Variants in TMEM132B observed in about 807,000 individuals in gnomAD.
TMEM132B encodes the protein transmembrane protein 132B.
In TMEM132B, 18 loss-of-function variants were observed where a neutral mutation model predicts 90.8. That is an observed-to-expected ratio of 0.20 (90% CI 0.14 to 0.29). TMEM132B has a LOEUF of 0.29. TMEM132B is among the 10% of genes least tolerant of loss of function. TMEM132B has a pLI of 1.00. For missense variants in TMEM132B, 1,096 were observed against 1,326.8 expected (o/e 0.83, Z 2.70); for synonymous variants, 504 against 523.3 (o/e 0.96, Z 0.50).
At chr12:125,187,634 C>T (rs139208672) in intron 1 of TMEM132B, among the ~76,000 whole-genome samples, 5 of 152,344 alleles carry the variant, frequency 3.3e-5, no homozygotes, top group African/African-American at 4.8e-5. Context: ...TCAGCTGTCG[C>T]CCAATCCTAG....
intron 5 of TMEM132B, among the ~76,000 whole-genome samples, chr12:125,621,051 T>C (rs1221562824): frequency 6.6e-6 from 1 of 152,204 alleles, no homozygotes; most frequent in East Asian, 1.9e-4. Flanking sequence ...TCACCATTAA[T>C]AAATAAATTC....
At chr12:125,232,018 A>G (rs1215726064) in intron 1 of TMEM132B, among the ~76,000 whole-genome samples, 1 of 152,188 alleles carries the variant, frequency 6.6e-6, no homozygotes, top group Non-Finnish European at 1.5e-5. Context: ...AAGGCACAGT[A>G]TACATACTTT....
At chr12:125,496,377 G>A (rs1292944045) in intron 3 of TMEM132B, among the ~76,000 whole-genome samples, 1 of 152,090 alleles carries the variant, frequency 6.6e-6, no homozygotes, top group Non-Finnish European at 1.5e-5. Flanking sequence ...CTATACATCA[G>A]TTGAAATATG....
At chr12:125,608,676 T>C (rs951957553) in intron 5 of TMEM132B, among the ~76,000 whole-genome samples, 1 of 152,240 alleles carries the variant, frequency 6.6e-6, no homozygotes, top group Non-Finnish European at 1.5e-5. Flanking sequence ...TTCCACATTT[T>C]CTTCTAATAT....
At chr12:125,255,516 A>G (rs954745729) in intron 1 of TMEM132B, among the ~76,000 whole-genome samples, 1 of 152,168 alleles carries the variant, frequency 6.6e-6, no homozygotes, top group Non-Finnish European at 1.5e-5. Context: ...CTGCATACAG[A>G]TGCCTTTTCG....
chr12:125,264,445 G>A (rs1874639617), intron 1 of TMEM132B, among the ~76,000 whole-genome samples: 1 of 152,240 alleles, frequency 6.6e-6, no homozygotes, highest in Non-Finnish European at 1.5e-5. Context: ...AAAAGGTAGG[G>A]TGTTCTGGAT....
intron 1 of TMEM132B, among the ~76,000 whole-genome samples, chr12:125,280,750 G>A (rs11058123): frequency 0.14 from 21,915 of 152,250 alleles, 1,910 homozygotes; most frequent in African/African-American, 0.23. Flanking sequence ...AGGGCAGATA[G>A]TACAACTCTT....
At chr12:125,507,563 T>C (rs1200448274) in intron 3 of TMEM132B, among the ~76,000 whole-genome samples, 2 of 151,796 alleles carry the variant, frequency 1.3e-5, no homozygotes, top group African/African-American at 2.4e-5. Context: ...ATAGCTGTCA[T>C]AGGGAGGAGT....
At chr12:125,608,097 C>G (rs182892343) in intron 5 of TMEM132B, among the ~76,000 whole-genome samples, 1 of 152,054 alleles carries the variant, frequency 6.6e-6, no homozygotes. Flanking sequence ...TTCTTTTGAG[C>G]GTATACTTAG....
chr12:125,417,923 G>A (rs1368505839), intron 3 of TMEM132B, among the ~76,000 whole-genome samples: 1 of 152,190 alleles, frequency 6.6e-6, no homozygotes. Context: ...TTTGACCAGC[G>A]CTAATGGAAG....
intron 1 of TMEM132B, among the ~76,000 whole-genome samples, chr12:125,225,899 G>C (rs1873671686): frequency 6.6e-6 from 1 of 152,142 alleles, no homozygotes; most frequent in Non-Finnish European, 1.5e-5. Context: ...TGTGGGCCCA[G>C]GACAAACAGT....
chr12:125,341,991 G>T (rs1877195310), intron 1 of TMEM132B, among the ~76,000 whole-genome samples: 1 of 152,082 alleles, frequency 6.6e-6, no homozygotes, highest in South Asian at 2.1e-4. Flanking sequence ...AATTCCTTCT[G>T]TTCCTCCCTC....
chr12:125,276,423 G>A (rs1874991447), intron 1 of TMEM132B, among the ~76,000 whole-genome samples: 1 of 152,162 alleles, frequency 6.6e-6, no homozygotes, highest in Non-Finnish European at 1.5e-5. Flanking sequence ...TTAGAACAAA[G>A]CCACCAGGTG....
chr12:125,392,641 C>A (rs1453550403), intron 2 of TMEM132B, among the ~76,000 whole-genome samples: 1 of 152,140 alleles, frequency 6.6e-6, no homozygotes, highest in African/African-American at 2.4e-5. Flanking sequence ...TGACCAACAG[C>A]CAAGATCATA....
At chr12:125,577,319 C>T (rs1208308205) in intron 4 of TMEM132B, among the ~76,000 whole-genome samples, 2 of 151,298 alleles carry the variant, frequency 1.3e-5, no homozygotes, top group Admixed American at 6.6e-5. Context: ...AGACTGAGCC[C>T]CTTTTTAATT....
chr12:125,265,504 G>A (rs1255832968), intron 1 of TMEM132B, among the ~76,000 whole-genome samples: 1 of 152,120 alleles, frequency 6.6e-6, no homozygotes, highest in African/African-American at 2.4e-5. Context: ...AGTTGACCAT[G>A]GGTAACTGAA....
intron 5 of TMEM132B, chr12:125,586,097 A>C (rs1289282107): frequency 3.9e-5 from 6 of 152,268 alleles, no homozygotes; most frequent in Non-Finnish European, 5.9e-5. Flanking sequence ...TACATGGCAC[A>C]TTCATTAGCA....
intron 2 of TMEM132B, among the ~76,000 whole-genome samples, chr12:125,359,752 G>A (rs1182484262): frequency 2.0e-5 from 3 of 152,200 alleles, no homozygotes; most frequent in Non-Finnish European, 4.4e-5. Context: ...TCCCGACCCT[G>A]TGATGACTTA....
At chr12:125,639,969 C>T (rs942651572) in intron 5 of TMEM132B, among the ~76,000 whole-genome samples, 4 of 152,292 alleles carry the variant, frequency 2.6e-5, no homozygotes, top group African/African-American at 4.8e-5. Context: ...GCTGGTCCAG[C>T]GGCTCCTCTA....
Sources: gnomAD v4.1 joint callset for allele counts (sites outside exome capture counted in the v4.1 genomes callset) on GRCh38, gnomAD v4.1.1 for gene constraint, MANE v1.5 for transcripts, NCBI Gene and HGNC (gene_info 2026-07-23, HGNC 2026-07-21) for gene names.